The following UBP1 variants were observed in gnomAD, a reference collection of about 807,000 sequenced individuals.
UBP1 encodes the protein upstream binding protein 1, also known as upstream-binding protein 1.
UBP1 carries 22 observed loss-of-function variants against 76.1 expected under a neutral mutation model. That is an observed-to-expected ratio of 0.29 (90% CI 0.21 to 0.41). The LOEUF is 0.41. Ranked by LOEUF, UBP1 falls within the 10% of genes least tolerant of loss-of-function variation. The probability of loss-of-function intolerance (pLI) is 1.00; values close to 1 mark genes in which losing one functional copy is unlikely to be tolerated. For synonymous variants in UBP1, 224 were observed against 237.1 expected (o/e 0.94, Z 0.51); for missense variants, 436 against 668.1 (o/e 0.65, Z 3.83).
At chr3:33,399,271 G>A (rs545048497) in intron 11 of UBP1, among the ~76,000 whole-genome samples, 1 of 152,310 alleles carries the variant, frequency 6.6e-6, no homozygotes, top group East Asian at 1.9e-4. Flanking sequence ...ATATATTTGG[G>A]AAATGCTACC....
chr3:33,440,601 G>A (rs1575497378), upstream of UBP1: 1 of 152,740 alleles, frequency 6.5e-6, no homozygotes, highest in Middle Eastern at 3.4e-3. Context: ...AGCCCAGGAA[G>A]AGGCGGTGCC....
chr3:33,408,579 G>T, intron 8 of UBP1, 111 bp downstream of exon 8: 1 of 745,036 alleles, frequency 1.3e-6, no homozygotes, highest in Non-Finnish European at 2.1e-6. Flanking sequence ...ATTAAATCAA[G>T]ACATGGACAT....
At chr3:33,421,420 G>C (rs1278197427) in intron 2 of UBP1, among the ~76,000 whole-genome samples, 1 of 152,180 alleles carries the variant, frequency 6.6e-6, no homozygotes, top group African/African-American at 2.4e-5. Flanking sequence ...CTACAGGCGT[G>C]CGCCACCATG....
Position 33,397,083 on chromosome 3 carries a change from T to TGCA in UBP1, c.1230_1232dup (p.Ala412dup). ...AATTATAGAGCCGAATTCCATCGGC[T>TGCA]GCACCACAAATTTGAACTAAATCCT... On this transcript the variant is annotated inframe_insertion, in exon 12 of 16. Transcript: ENST00000283629. The TGCA allele has an allele frequency of 6.2e-7, 1 of 1,604,118 alleles. No homozygotes were observed. Among genetic ancestry groups the TGCA allele is most frequent in the South Asian group, 1.1e-5 (1 of 89,146 alleles).
At chr3:33,433,941 A>C (rs983876056) in intron 1 of UBP1, among the ~76,000 whole-genome samples, 4 of 152,114 alleles carry the variant, frequency 2.6e-5, no homozygotes, top group African/African-American at 4.8e-5. Context: ...AATAATAATA[A>C]TAGTATCAGT....
intron 8 of UBP1, among the ~76,000 whole-genome samples, chr3:33,404,434 T>C (rs1196291565): frequency 6.8e-6 from 1 of 147,688 alleles, no homozygotes; most frequent in African/African-American, 2.5e-5. Context: ...AATAGATAAA[T>C]AAGTAAATAT....
In UBP1 at chr3:33,390,123, T is replaced by C. The variant is rs1469798804; in HGVS notation, c.*208A>G. 13 of 569,200 alleles carry C rather than the reference T, an allele frequency of 2.3e-5. No homozygotes were observed. The highest frequency in any genetic ancestry group is 5.7e-5 in the East Asian group (2 of 35,116). 35.3% of individuals were successfully genotyped at this position (569,200 alleles called of 1,614,324 possible). Reference sequence around the variant, plus strand: ...CAGAGCTGGATGCATGCTGTGCCGATGTGCTCACTCTCATGAGGATGCTTG... The same window carrying C: ...CAGAGCTGGATGCATGCTGTGCCGACGTGCTCACTCTCATGAGGATGCTTG... On this transcript the variant is annotated 3_prime_UTR_variant, in exon 16 of 16. Transcript: ENST00000283629.
At chr3:33,409,974 T>G (rs945943917) in intron 5 of UBP1, among the ~76,000 whole-genome samples, 4 of 152,214 alleles carry the variant, frequency 2.6e-5, no homozygotes, top group Admixed American at 2.6e-4. Flanking sequence ...CACAGCAATC[T>G]TCACTTCATT....
At chr3:33,432,946 T>C (rs917718588) in intron 1 of UBP1, among the ~76,000 whole-genome samples, 1 of 152,202 alleles carries the variant, frequency 6.6e-6, no homozygotes, top group Non-Finnish European at 1.5e-5. Context: ...TTGAAAAATT[T>C]CAAAATGAAG....
At chr3:33,436,983 A>G (rs1253101900) in intron 1 of UBP1, among the ~76,000 whole-genome samples, 1 of 152,194 alleles carries the variant, frequency 6.6e-6, no homozygotes, top group Non-Finnish European at 1.5e-5. Flanking sequence ...TGTAACCAAG[A>G]TTTTTAAAAA....
At chr3:33,430,084 C>G (rs2045087643) in intron 1 of UBP1, among the ~76,000 whole-genome samples, 1 of 152,182 alleles carries the variant, frequency 6.6e-6, no homozygotes, top group African/African-American at 2.4e-5. Flanking sequence ...TCCACCCTCA[C>G]TGAGGATAGG....
At chr3:33,405,602 G>A (rs903764311) in intron 8 of UBP1, among the ~76,000 whole-genome samples, 10 of 152,048 alleles carry the variant, frequency 6.6e-5, no homozygotes, top group Admixed American at 2.0e-4. Context: ...AAGGTGGGAG[G>A]ATCATTCTGA....
chr3:33,399,593 A>G (rs1559671187), intron 11 of UBP1, among the ~76,000 whole-genome samples: 1 of 152,220 alleles, frequency 6.6e-6, no homozygotes, highest in African/African-American at 2.4e-5. Context: ...TAACATTCTC[A>G]AAATGACAAA....
At chr3:33,420,998 A>G (rs1397266422) in intron 2 of UBP1, among the ~76,000 whole-genome samples, 1 of 152,216 alleles carries the variant, frequency 6.6e-6, no homozygotes, top group Non-Finnish European at 1.5e-5. Context: ...AATTCTTTTC[A>G]TTTGAAGAGT....
chr3:33,406,246 AAAAT>A (rs1402001872), intron 8 of UBP1, among the ~76,000 whole-genome samples: 7 of 152,170 alleles, frequency 4.6e-5, no homozygotes, highest in Non-Finnish European at 8.8e-5. Flanking sequence ...CCATCTCAAA[AAAAT>A]AAATAAATAA....
chr3:33,399,933 C>G (rs561441476), intron 11 of UBP1, among the ~76,000 whole-genome samples: 1 of 152,076 alleles, frequency 6.6e-6, no homozygotes, highest in African/African-American at 2.4e-5. Flanking sequence ...ACTATATACA[C>G]CTACACACAA....
chr3:33,392,216 A>C (rs2043795679), intron 15 of UBP1: 2 of 197,332 alleles, frequency 1.0e-5, no homozygotes, highest in South Asian at 2.7e-4. Context: ...AATTTTGTGT[A>C]TCTCTTGGCC....
chr3:33,419,456 C>T (rs1193115776), intron 2 of UBP1, among the ~76,000 whole-genome samples: 1 of 152,010 alleles, frequency 6.6e-6, no homozygotes, highest in African/African-American at 2.4e-5. Context: ...AGTGAAACCC[C>T]GTCTCTACTA....
At chr3:33,435,192 G>T (rs2045185711) in intron 1 of UBP1, among the ~76,000 whole-genome samples, 1 of 152,040 alleles carries the variant, frequency 6.6e-6, no homozygotes, top group African/African-American at 2.4e-5. Flanking sequence ...TTCCTGTACT[G>T]CAGCCAAGAT....
Sources: allele counts gnomAD v4.1 joint callset (sites outside exome capture counted in the v4.1 genomes callset), GRCh38; gene constraint gnomAD v4.1.1; transcripts MANE v1.5; gene names NCBI Gene and HGNC (gene_info 2026-07-23, HGNC 2026-07-21).